CNTLN: variants seen among roughly 807,000 people sequenced by gnomAD.
CNTLN encodes the protein centlein, centrosomal protein.
Under a neutral mutation model 180.0 loss-of-function variants are expected in CNTLN, and 212 were observed. That is an observed-to-expected ratio of 1.18 (90% confidence interval 1.05 to 1.32). CNTLN has a LOEUF of 1.32. CNTLN is among the 40% of genes most tolerant of loss of function. The probability of loss-of-function intolerance (pLI) is 0.00; values close to 1 mark genes in which losing one functional copy is unlikely to be tolerated. For synonymous variants in CNTLN, 722 were observed against 563.1 expected (o/e 1.28, Z -3.99); for missense variants, 2,095 against 1,610.9 (o/e 1.30, Z -5.14).
rs373878904 is a variant in CNTLN, at chr9:17,496,788, G to A, written c.4120-5763G>A. On this transcript the variant is annotated intron_variant, in intron 25 of 25. Transcript: ENST00000380647. ...AGACTCTTAAAGCATTATCTCTAGC[G>A]TGTATATCTCACCTAGTCATGAAGG... 2.2e-4 allele frequency among the ~76,000 whole-genome samples: 33 copies of A among 152,168 alleles called. No individual in the cohort carries two copies. In the East Asian group the frequency reaches 5.2e-3, roughly 24 times the overall value.
intron 8 of CNTLN, among the ~76,000 whole-genome samples, chr9:17,323,604 A>C (rs927153654): frequency 6.6e-6 from 1 of 151,862 alleles, no homozygotes; most frequent in Non-Finnish European, 1.5e-5. Context: ...AAGCTAAAAC[A>C]CTCCCTCATC....
At chr9:17,312,377 T>A (rs1819243570) in intron 8 of CNTLN, among the ~76,000 whole-genome samples, 3 of 91,674 alleles carry the variant, frequency 3.3e-5, no homozygotes, top group African/African-American at 1.2e-4. Flanking sequence ...TATATATATA[T>A]ATATATAATT....
At position 17,273,792 on chromosome 9, in the gene CNTLN, C is replaced by G; in HGVS notation, c.909C>G (p.Tyr303Ter). ...AAGTTGAAGTATCACAGAGTAAATA[C>G]AATGCTCTATCATTACAGTTGAGTA... Reference protein sequence around the residue: ...RKEVEVSQSKYNALSLQLSNK... With the variant: ...RKEVEVSQSK Residue 303 changes from tyrosine to a stop codon, truncating the protein, a stop_gained, in exon 6 of 26, where the codon TAC becomes TAG. Transcript: ENST00000380647. LOFTEE classifies it high-confidence loss of function. 1 of 1,571,566 alleles carries G rather than the reference C, an allele frequency of 6.4e-7. No individual in the cohort carries two copies. The highest frequency in any genetic ancestry group is 8.6e-7 in the Non-Finnish European group (1 of 1,160,410).
At position 17,298,226 on chromosome 9, in the gene CNTLN, G is replaced by C. The variant is rs1278004499; in HGVS notation, c.1020G>C (p.Gln340His). The change falls in exon 7 of 26, where the codon CAG becomes CAC. Residue 340 changes from glutamine to histidine, a missense_variant. Transcript: ENST00000380647. Reference protein sequence around the residue: ...ELQELQNLYKQNSTHTAQQAE... With the variant: ...ELQELQNLYKHNSTHTAQQAE... The stretch of plus-strand genomic sequence containing the variant: ...AGGAGCTGCAGAATCTTTACAAACA[G>C]AACAGTACACATACAGCCCAGCAAG... 4.4e-6 allele frequency: 7 copies of C among 1,590,062 alleles called. No homozygotes were observed. The Admixed American group carries it at 1.3e-4, about 29-fold the overall frequency.
At chr9:17,205,321 A>C (rs553811704) in intron 2 of CNTLN, among the ~76,000 whole-genome samples, 1 of 152,356 alleles carries the variant, frequency 6.6e-6, no homozygotes, top group African/African-American at 2.4e-5. Flanking sequence ...AAGCAAATTA[A>C]CATGATAAGC....
chr9:17,494,001 A>G (rs1039488195), intron 25 of CNTLN, among the ~76,000 whole-genome samples: 8 of 152,192 alleles, frequency 5.3e-5, no homozygotes, highest in African/African-American at 1.7e-4. Flanking sequence ...AATATCTTCA[A>G]CTATAAGATA....
intron 2 of CNTLN, among the ~76,000 whole-genome samples, chr9:17,220,965 A>G (rs996789286): frequency 6.6e-6 from 1 of 152,138 alleles, no homozygotes; most frequent in Non-Finnish European, 1.5e-5. Flanking sequence ...CTATAAATTA[A>G]ACTAATTCCT....
intron 13 of CNTLN, among the ~76,000 whole-genome samples, chr9:17,387,891 A>G (rs373131282): frequency 1.3e-5 from 2 of 151,978 alleles, no homozygotes; most frequent in South Asian, 2.1e-4. Context: ...AAATAGGAAT[A>G]AAAGTGTAGC....
At chr9:17,272,679 C>T (rs1042457148) in intron 5 of CNTLN, among the ~76,000 whole-genome samples, 1 of 152,110 alleles carries the variant, frequency 6.6e-6, no homozygotes, top group Non-Finnish European at 1.5e-5. Flanking sequence ...TCTGTGTCTC[C>T]AGACCATAGT....
chr9:17,343,454 G>A (rs1017593582), intron 12 of CNTLN, among the ~76,000 whole-genome samples: 1 of 152,030 alleles, frequency 6.6e-6, no homozygotes, highest in African/African-American at 2.4e-5. Flanking sequence ...TATAACTTTT[G>A]TTTACAGCCT....
At chr9:17,464,456 T>C in intron 20 of CNTLN, 41 bp from the exon 21 acceptor site, 2 of 1,508,940 alleles carry the variant, frequency 1.3e-6, no homozygotes, top group Non-Finnish European at 1.8e-6. Context: ...ACTGTTAAGG[T>C]ATTTTCTGTC....
chr9:17,143,305 A>T lies in CNTLN; in HGVS notation c.378A>T (p.Val126=). ...LALCQADKEF[V]WSLWKRLQVT... ...TCTTTAAGGCTGATAAAGAATTTGT[A>T]TGGTCTTTGTGGAAACGTCTCCAGG... Residue 126 remains valine (V), a synonymous_variant, in exon 2 of 26, where the codon GTA becomes GTT. Coordinates refer to ENST00000380647, the MANE Select transcript of CNTLN (RefSeq NM_017738.4). The T allele has an allele frequency of 6.2e-7, 1 of 1,613,050 alleles. No individual in the cohort carries two copies. Among genetic ancestry groups the T allele is most frequent in the Non-Finnish European group, 8.5e-7 (1 of 1,179,354 alleles).
intron 18 of CNTLN, among the ~76,000 whole-genome samples, chr9:17,453,718 G>C (rs774516496): frequency 3.3e-4 from 50 of 152,122 alleles, no homozygotes; most frequent in Non-Finnish European, 8.8e-5. Flanking sequence ...GTTACTTGTG[G>C]GTATAGGACT....
intron 6 of CNTLN, among the ~76,000 whole-genome samples, chr9:17,275,653 C>T (rs1305119570): frequency 6.6e-6 from 1 of 152,072 alleles, no homozygotes; most frequent in African/African-American, 2.4e-5. Context: ...GTGTTAAGGA[C>T]ATGGGATATA....
chr9:17,498,768 T>C (rs985576398), intron 25 of CNTLN, among the ~76,000 whole-genome samples: 9 of 152,150 alleles, frequency 5.9e-5, no homozygotes, highest in Admixed American at 3.3e-4. Context: ...CCCTGGCAAA[T>C]ACCATCTGAG....
chr9:17,460,256 A>G (rs1831375746), intron 19 of CNTLN, among the ~76,000 whole-genome samples: 1 of 151,750 alleles, frequency 6.6e-6, no homozygotes, highest in African/African-American at 2.4e-5. Flanking sequence ...CTGGCTCCAT[A>G]GTCCATGCTC....
the CNTLN span, among the ~76,000 whole-genome samples, chr9:17,519,754 T>C: frequency 6.6e-6 from 1 of 152,208 alleles, no homozygotes; most frequent in African/African-American, 2.4e-5. Context: ...CATCCACTCC[T>C]TAAGTAATTT....
At chr9:17,418,987 A>G (rs1828486595) in intron 18 of CNTLN, among the ~76,000 whole-genome samples, 1 of 152,120 alleles carries the variant, frequency 6.6e-6, no homozygotes, top group African/African-American at 2.4e-5. Context: ...AATTTCCTCA[A>G]AAAAGCTTAG....
intron 5 of CNTLN, among the ~76,000 whole-genome samples, chr9:17,268,349 C>T (rs542695364): frequency 8.5e-5 from 13 of 152,216 alleles, no homozygotes; most frequent in South Asian, 2.1e-4. Context: ...TTTAGAATAG[C>T]GGATATTGGT....
Sources: allele counts gnomAD v4.1 joint callset (sites outside exome capture counted in the v4.1 genomes callset), GRCh38; gene constraint gnomAD v4.1.1; transcripts MANE v1.5; gene names NCBI Gene and HGNC (gene_info 2026-07-23, HGNC 2026-07-21).